Variants in ANKRD6 observed in about 807,000 individuals in gnomAD.
The protein encoded by ANKRD6 is ankyrin repeat domain 6, also known as ankyrin repeat domain-containing protein 6.
Under a neutral mutation model 82.3 loss-of-function variants are expected in ANKRD6, and 56 were observed. The observed-to-expected ratio is 0.68, with a 90% confidence interval of 0.55 to 0.85. ANKRD6 has a LOEUF of 0.85. Ranked by LOEUF, ANKRD6 falls within the 40% of genes least tolerant of loss-of-function variation. The probability of loss-of-function intolerance (pLI) is 0.00; values close to 1 mark genes in which losing one functional copy is unlikely to be tolerated. For missense variants in ANKRD6, 852 were observed against 907.6 expected (o/e 0.94, Z 0.79); for synonymous variants, 347 against 352.1 (o/e 0.99, Z 0.16).
chr6:89,506,165 T>C (rs1261674551), intron 1 of ANKRD6, among the ~76,000 whole-genome samples: 3 of 152,144 alleles, frequency 2.0e-5, no homozygotes, highest in African/African-American at 7.2e-5. Context: ...GTTAGTGTAT[T>C]ATGCTTGAAA....
chr6:89,447,462 A>G (rs1446713255), intron 1 of ANKRD6, among the ~76,000 whole-genome samples: 1 of 152,212 alleles, frequency 6.6e-6, no homozygotes, highest in Non-Finnish European at 1.5e-5. Context: ...AGCTGCAGAA[A>G]AAAAGTCTGA....
intron 1 of ANKRD6, chr6:89,565,190 T>A (rs910635004): frequency 1.3e-5 from 2 of 152,190 alleles, no homozygotes; most frequent in African/African-American, 4.8e-5. Flanking sequence ...TTCCTTCTTT[T>A]TTTTTTTGGC....
chr6:89,547,877 C>T (rs1219261916), intron 1 of ANKRD6, among the ~76,000 whole-genome samples: 1 of 152,068 alleles, frequency 6.6e-6, no homozygotes, highest in Admixed American at 6.6e-5. Context: ...CTTTGGTTCT[C>T]ACAGTAACCA....
intron 1 of ANKRD6, among the ~76,000 whole-genome samples, chr6:89,523,984 A>G (rs1782170099): frequency 6.6e-6 from 1 of 152,130 alleles, no homozygotes; most frequent in African/African-American, 2.4e-5. Flanking sequence ...GCAATTGGCT[A>G]AAAGGTGAAT....
chr6:89,509,428 A>C (rs941448568), intron 1 of ANKRD6, among the ~76,000 whole-genome samples: 1 of 152,180 alleles, frequency 6.6e-6, no homozygotes, highest in African/African-American at 2.4e-5. Context: ...CCCTTCACTT[A>C]AAGATAAGAA....
chr6:89,524,027 C>T (rs1782173551), intron 1 of ANKRD6, among the ~76,000 whole-genome samples: 1 of 152,022 alleles, frequency 6.6e-6, no homozygotes, highest in East Asian at 1.9e-4. Flanking sequence ...TCACCCTAGG[C>T]CAGGAGAGCC....
At chr6:89,603,951 A>T (rs981688650) in intron 4 of ANKRD6, among the ~76,000 whole-genome samples, 5 of 152,370 alleles carry the variant, frequency 3.3e-5, no homozygotes, top group African/African-American at 9.6e-5. Context: ...GCAGTGAGCC[A>T]TGACTGCATC....
chr6:89,463,259 GTTA>G lies in ANKRD6; in HGVS notation c.-144+29888_-144+29890del, dbSNP rs1417270086. Among the ~76,000 whole-genome samples, 4 of 151,718 alleles carry G rather than the reference GTTA, an allele frequency of 2.6e-5. No homozygotes were observed. The South Asian group carries it at 6.2e-4, about 24-fold the overall frequency. ...ATTTAGTATTTTTTCTGAGCATTTTGTTATTAATTTTTTTAAAACAATTTTTAA... is the reference window on the plus strand; with the variant it reads ...ATTTAGTATTTTTTCTGAGCATTTTGTTAATTTTTTTAAAACAATTTTTAA... On this transcript the variant is annotated intron_variant, in intron 1 of 15. Coordinates refer to ENST00000339746, the MANE Select transcript of ANKRD6 (RefSeq NM_001242809.2).
chr6:89,568,635 G>C (rs1313810464), intron 2 of ANKRD6, among the ~76,000 whole-genome samples: 1 of 151,946 alleles, frequency 6.6e-6, no homozygotes, highest in Non-Finnish European at 1.5e-5. Context: ...TTTTTAAATG[G>C]GGTCATGAGA....
intron 2 of ANKRD6, among the ~76,000 whole-genome samples, chr6:89,577,121 C>A (rs1791292453): frequency 6.6e-6 from 1 of 151,900 alleles, no homozygotes; most frequent in African/African-American, 2.4e-5. Flanking sequence ...GAAGCTGCAG[C>A]CCCTCCTGAG....
At chr6:89,468,189 C>T (rs967325540) in intron 1 of ANKRD6, among the ~76,000 whole-genome samples, 2 of 152,132 alleles carry the variant, frequency 1.3e-5, no homozygotes, top group African/African-American at 4.8e-5. Flanking sequence ...GTCAGAGAGT[C>T]TAAAAATTCA....
chr6:89,618,189 G>A (rs1583835744), intron 9 of ANKRD6, 158 bp downstream of exon 9: 1 of 791,310 alleles, frequency 1.3e-6, no homozygotes. Context: ...CAGGATGACG[G>A]GAGTCAAAGG....
intron 1 of ANKRD6, among the ~76,000 whole-genome samples, chr6:89,528,514 T>G (rs1218635938): frequency 1.3e-5 from 2 of 152,250 alleles, no homozygotes; most frequent in Admixed American, 6.5e-5. Flanking sequence ...TATCTTCCAC[T>G]GAAGTCTTGA....
chr6:89,620,934 TGGCG>T (rs1325797925), intron 9 of ANKRD6, among the ~76,000 whole-genome samples: 1 of 151,920 alleles, frequency 6.6e-6, no homozygotes, highest in Non-Finnish European at 1.5e-5. Flanking sequence ...CCAGGCATGG[TGGCG>T]GGCGCCTGTA....
intron 1 of ANKRD6, among the ~76,000 whole-genome samples, chr6:89,471,308 G>A (rs1191536184): frequency 6.9e-6 from 1 of 145,612 alleles, no homozygotes; most frequent in African/African-American, 2.6e-5. Flanking sequence ...TTGCACCACT[G>A]CACTCCAGCC....
intron 1 of ANKRD6, among the ~76,000 whole-genome samples, chr6:89,439,644 T>C (rs924536475): frequency 3.3e-5 from 5 of 152,228 alleles, no homozygotes; most frequent in African/African-American, 1.2e-4. Flanking sequence ...TGGGCTGTTC[T>C]ACCTAAGGAA....
At chr6:89,493,861 A>G (rs1009741200) in intron 1 of ANKRD6, among the ~76,000 whole-genome samples, 2 of 152,196 alleles carry the variant, frequency 1.3e-5, no homozygotes, top group Non-Finnish European at 1.5e-5. Flanking sequence ...ATATAAGGTA[A>G]TACTGACAGG....
chr6:89,564,360 C>T (rs1318095900), intron 1 of ANKRD6, among the ~76,000 whole-genome samples: 1 of 152,166 alleles, frequency 6.6e-6, no homozygotes, highest in Non-Finnish European at 1.5e-5. Context: ...CCAATGTTTT[C>T]TCACCACTGT....
chr6:89,500,240 C>T (rs1336864711), intron 1 of ANKRD6, among the ~76,000 whole-genome samples: 1 of 152,170 alleles, frequency 6.6e-6, no homozygotes, highest in Non-Finnish European at 1.5e-5. Context: ...AGCCCTGCCT[C>T]CCAGGAGAGA....
Sources: allele counts gnomAD v4.1 joint callset (sites outside exome capture counted in the v4.1 genomes callset), GRCh38; gene constraint gnomAD v4.1.1; transcripts MANE v1.5; gene names NCBI Gene and HGNC (gene_info 2026-07-23, HGNC 2026-07-21).